ASAH2: variants seen among roughly 807,000 people sequenced by gnomAD.
ASAH2 encodes N-acylsphingosine amidohydrolase 2, also known as neutral ceramidase.
ASAH2 carries 58 observed loss-of-function variants against 82.9 expected under a neutral mutation model. The ratio of observed to expected loss-of-function variants is 0.70; its 90% CI spans 0.57 to 0.87. The LOEUF is 0.87. Ranked by LOEUF, ASAH2 falls within the 40% of genes least tolerant of loss-of-function variation. ASAH2 has a pLI of 0.00. For synonymous variants in ASAH2, 276 were observed against 289.7 expected (o/e 0.95, Z 0.48); for missense variants, 779 against 834.0 (o/e 0.93, Z 0.81).
At chr10:50,221,285 T>A (rs1038429151) in intron 7 of ASAH2, among the ~76,000 whole-genome samples, 3,176 of 152,234 alleles carry the variant, frequency 0.021, 51 homozygotes, top group Non-Finnish European at 0.03. Flanking sequence ...TTTTTTGGAG[T>A]TTCTTTAGTT....
chr10:50,233,373 T>C (rs1589350189), intron 6 of ASAH2, 112 bp from the exon 7 acceptor site: 1 of 759,242 alleles, frequency 1.3e-6, no homozygotes, highest in Non-Finnish European at 2.4e-6. Context: ...GTAAGTGAGA[T>C]GTCTTGACAA....
At chr10:50,203,580 A>T in intron 15 of ASAH2, 60 bp downstream of exon 15, 1 of 1,234,854 alleles carries the variant, frequency 8.1e-7, no homozygotes, top group Non-Finnish European at 1.2e-6. Context: ...TAGGGATAGG[A>T]TATACTTTCC....
intron 18 of ASAH2, among the ~76,000 whole-genome samples, chr10:50,194,441 A>AC (rs1045119680): frequency 2.0e-5 from 3 of 151,746 alleles, no homozygotes; most frequent in African/African-American, 7.3e-5. Context: ...CTGATTTCTG[A>AC]CAAAAACTTG....
At chr10:50,245,533 G>A (rs7077415) in intron 2 of ASAH2, 79 bp from the exon 3 acceptor site, 125,381 of 1,265,974 alleles carry the variant, frequency 0.099, 8,829 homozygotes, top group East Asian at 0.31. Context: ...CAATATATAG[G>A]CTCAGGTTCA....
At position 50,245,350 on chromosome 10, in the gene ASAH2, TCTGGGTGGCTGTGGAATG is replaced by T. The variant is rs769192204; in HGVS notation, c.214_231del (p.His72_Gln77del). 25 of 1,613,666 alleles carry T rather than the reference TCTGGGTGGCTGTGGAATG, an allele frequency of 1.5e-5. No homozygotes were observed. Among genetic ancestry groups the T allele is most frequent in the Non-Finnish European group, 1.9e-5 (23 of 1,179,916 alleles). ...GGAGAAGTTTGAGTGGCTGTGGAGCTCTGGGTGGCTGTGGAATGCTGGGTGGCTGTGGAGCGTTGGGCA... is the reference window on the plus strand; with the variant it reads ...GGAGAAGTTTGAGTGGCTGTGGAGCTCTGGGTGGCTGTGGAGCGTTGGGCA... On this transcript the variant is annotated inframe_deletion, in exon 3 of 21. Transcript: ENST00000682911.
intron 4 of ASAH2, among the ~76,000 whole-genome samples, chr10:50,238,561 T>C (rs1235891541): frequency 1.5e-5 from 2 of 129,524 alleles, no homozygotes; most frequent in African/African-American, 4.9e-5. Context: ...GAAGAAGAAA[T>C]GTATAAAGAG....
In ASAH2 at chr10:50,245,290, T is replaced by C. The variant is rs753010670; in HGVS notation, c.292A>G (p.Asn98Asp). The C allele has an allele frequency of 1.9e-6, 3 of 1,613,968 alleles. No homozygotes were observed. The highest frequency in any genetic ancestry group is 1.6e-4 in the Middle Eastern group (1 of 6,084). ...ACACCAATATGGTAGCCACTGAAGT[T>C]CTGAAATAGAGGAGACTCTGGGGTT... ...PLTPESPLFQNFSGYHIGVGR... is the reference protein window; with the variant it reads ...PLTPESPLFQDFSGYHIGVGR... Residue 98 changes from asparagine (N) to aspartate (D), a missense_variant, in exon 3 of 21, where the codon AAC (asparagine) becomes GAC (aspartate). By Grantham distance (23) the Asn-to-Asp change is conservative (BLOSUM62 1). This residue lies in a region of ASAH2 where 759 missense variants were observed against 755.2 expected (regional missense o/e 1.00). Transcript: ENST00000682911.
chr10:50,243,326 T>C lies in ASAH2; in HGVS notation c.386A>G (p.Asn129Ser), dbSNP rs1846357013. 1.9e-6 allele frequency: 3 copies of C among 1,614,100 alleles called. No homozygotes were observed. The highest frequency in any genetic ancestry group is 2.5e-6 in the Non-Finnish European group (3 of 1,179,962). ...NLMGYGKSGQ[N>S]AQGILTRLYS... The stretch of plus-strand genomic sequence containing the variant: ...TAGCCTGGTGAGGATGCCCTGTGCA[T>C]TCTGGCCGGATTTGCCATAGCCCAT... The change falls in exon 4 of 21, where the codon AAT (asparagine) becomes AGT (serine). Residue 129 changes from asparagine to serine, a missense_variant. By Grantham distance (46) the Asn-to-Ser change is conservative (BLOSUM62 1). Around this residue, in one of 3 missense-constraint regions of ASAH2, gnomAD observed 759 missense variants for 755.2 expected, o/e 1.00. Coordinates refer to ENST00000682911, the MANE Select transcript of ASAH2 (RefSeq NM_019893.4).
intron 7 of ASAH2, among the ~76,000 whole-genome samples, chr10:50,227,077 T>A (rs896604938): frequency 2.0e-5 from 3 of 152,146 alleles, no homozygotes; most frequent in African/African-American, 7.2e-5. Flanking sequence ...AGTTCAGATA[T>A]AATAATCACA....
At position 50,243,184 on chromosome 10, in the gene ASAH2, T is replaced by C; in HGVS notation, c.510+18A>G. 1 of 1,612,254 alleles carries C rather than the reference T, an allele frequency of 6.2e-7. No individual in the cohort carries two copies. On this transcript the variant is annotated intron_variant, in intron 4 of 20. Coordinates refer to ENST00000682911, the MANE Select transcript of ASAH2 (RefSeq NM_019893.4). The stretch of plus-strand genomic sequence containing the variant: ...ACCATATCATTTCTTCATTCATTTC[T>C]CCTCTCAAATCACTTACCTCCAGCC...
chr10:50,210,789 C>A, intron 12 of ASAH2, 34 bp downstream of exon 12: 1 of 1,501,848 alleles, frequency 6.7e-7, no homozygotes, highest in African/African-American at 1.4e-5. Context: ...GCTTCAGAAG[C>A]TGAAACCATA....
At chr10:50,231,604 C>A (rs1041167021) in intron 7 of ASAH2, among the ~76,000 whole-genome samples, 29 of 152,246 alleles carry the variant, frequency 1.9e-4, no homozygotes, top group African/African-American at 5.5e-4. Context: ...TCATAACATA[C>A]CCCACTCACA....
At chr10:50,198,617 T>C (rs1180260737) in intron 17 of ASAH2, among the ~76,000 whole-genome samples, 7 of 152,036 alleles carry the variant, frequency 4.6e-5, no homozygotes, top group African/African-American at 1.4e-4. Context: ...AATGCTGACC[T>C]ACTCAACTTT....
intron 7 of ASAH2, among the ~76,000 whole-genome samples, chr10:50,225,856 C>T (rs1385977910): frequency 2.0e-5 from 3 of 151,948 alleles, no homozygotes; most frequent in Admixed American, 6.6e-5. Context: ...TTTGGGAGGC[C>T]GAGGCGGGCA....
Position 50,235,916 on chromosome 10 carries a change from A to G in ASAH2, c.659T>C (p.Phe220Ser). ...IASEGFSNQT[F>S]QHMVTGILKS... is the part of the protein sequence containing the mutation. Reference sequence around the variant, plus strand: ...CAAGATACCAGTGACCATGTGCTGAAAAGTTTGATTGCTAAATCCTTCACT... The same window carrying G: ...CAAGATACCAGTGACCATGTGCTGAGAAGTTTGATTGCTAAATCCTTCACT... The change falls in exon 5 of 21, where the codon TTT becomes TCT. Residue 220 changes from phenylalanine (F) to serine (S), a missense_variant. Physicochemically the swap from Phe to Ser is radical, Grantham distance 155. Around this residue, in one of 3 missense-constraint regions of ASAH2, gnomAD observed 759 missense variants for 755.2 expected, o/e 1.00. Coordinates refer to ENST00000682911, the MANE Select transcript of ASAH2 (RefSeq NM_019893.4). 1.2e-6 allele frequency: 2 copies of G among 1,613,352 alleles called. No homozygotes were observed. Among genetic ancestry groups the G allele is most frequent in the Non-Finnish European group, 1.7e-6 (2 of 1,179,422 alleles).
chr10:50,220,232 A>G (rs1004928566), intron 7 of ASAH2, among the ~76,000 whole-genome samples: 1 of 152,184 alleles, frequency 6.6e-6, no homozygotes, highest in African/African-American at 2.4e-5. Context: ...GTTGTAATAA[A>G]TGATTGGGGT....
rs867801776 is a variant in ASAH2, at chr10:50,245,349, C to T, written c.233G>A (p.Ser78Asn). ...TGGAGAAGTTTGAGTGGCTGTGGAG[C>T]TCTGGGTGGCTGTGGAATGCTGGGT... ...TATQHSTATQSSTATQTSPVP... is the reference protein window; with the variant it reads ...TATQHSTATQNSTATQTSPVP... Residue 78 changes from serine (S) to asparagine (N), a missense_variant, in exon 3 of 21, where the codon AGC becomes AAC. Ser to Asn is a conservative substitution (Grantham distance 46). Around this residue, in one of 3 missense-constraint regions of ASAH2, gnomAD observed 759 missense variants for 755.2 expected, o/e 1.00. Coordinates refer to ENST00000682911, the MANE Select transcript of ASAH2 (RefSeq NM_019893.4). 1 of 1,613,650 alleles carries T rather than the reference C, an allele frequency of 6.2e-7. No individual in the cohort carries two copies. Among genetic ancestry groups the T allele is most frequent in the Non-Finnish European group, 8.5e-7 (1 of 1,179,910 alleles).
chr10:50,211,091 G>C lies in ASAH2; in HGVS notation c.1271C>G (p.Ala424Gly). Residue 424 changes from alanine to glycine, a missense_variant, in exon 11 of 21, where the codon GCT (alanine) becomes GGT (glycine). By Grantham distance (60) the Ala-to-Gly change is moderately conservative (BLOSUM62 0). This residue lies in a region of ASAH2 where 759 missense variants were observed against 755.2 expected (regional missense o/e 1.00). Coordinates refer to ENST00000682911, the MANE Select transcript of ASAH2 (RefSeq NM_019893.4). ...CATATCCACCCACTGGTGTGCTGAA[G>C]CCAGTGGTCCTGTTACCTCCTGGGA... ...SASQEVTGPL[A>G]SAHQWVDMTD... 6.2e-7 allele frequency: 1 copy of C among 1,613,712 alleles called. No homozygotes were observed. The highest frequency in any genetic ancestry group is 8.5e-7 in the Non-Finnish European group (1 of 1,179,688).
intron 7 of ASAH2, among the ~76,000 whole-genome samples, chr10:50,225,643 G>C (rs1845862174): frequency 6.6e-6 from 1 of 152,104 alleles, no homozygotes; most frequent in Non-Finnish European, 1.5e-5. Flanking sequence ...ACAACATTCT[G>C]CTCAAGTTTG....
Sources: gnomAD v4.1 joint callset for allele counts (sites outside exome capture counted in the v4.1 genomes callset) on GRCh38, gnomAD v4.1.1 for gene constraint, gnomAD v4.1.1 regional missense constraint, MANE v1.5 for transcripts, NCBI Gene and HGNC (gene_info 2026-07-23, HGNC 2026-07-21) for gene names.